GAS7: variants seen among roughly 807,000 people sequenced by gnomAD.
The protein encoded by GAS7 is growth arrest specific 7, also known as growth arrest-specific protein 7.
In GAS7, 28 loss-of-function variants were observed where a neutral mutation model predicts 71.1. That is an observed-to-expected ratio of 0.39 (90% CI 0.29 to 0.54). GAS7 has a LOEUF of 0.54. Among genes scored for constraint, GAS7 ranks in the 20% least tolerant of loss-of-function variants. The pLI is 0.62. For missense variants in GAS7, 436 were observed against 627.8 expected, an observed-to-expected ratio of 0.69 and a Z score of 3.27; for synonymous variants, 258 against 245.8, an observed-to-expected ratio of 1.05 and a Z score of -0.46.
intron 1 of GAS7, among the ~76,000 whole-genome samples, chr17:10,021,381 G>A (rs962925286): frequency 4.6e-5 from 7 of 152,374 alleles, no homozygotes; most frequent in African/African-American, 9.6e-5. Flanking sequence ...GCAAAACCAC[G>A]TGCCGTGGCT....
intron 5 of GAS7, among the ~76,000 whole-genome samples, chr17:9,956,226 AGGGT>A (rs1453920731): frequency 6.6e-6 from 1 of 152,138 alleles, no homozygotes; most frequent in East Asian, 1.9e-4. Context: ...TTGACAACTG[AGGGT>A]TCAAGTCCAA....
intron 1 of GAS7, among the ~76,000 whole-genome samples, chr17:10,020,514 T>A (rs2072225019): frequency 1.3e-5 from 2 of 152,210 alleles, no homozygotes; most frequent in South Asian, 4.1e-4. Flanking sequence ...GTGCAATTAA[T>A]TCTTTTAACC....
rs183729077 is a variant in GAS7, at chr17:10,065,972, A to G, written c.184-46075T>C. Among the ~76,000 whole-genome samples the G allele has an allele frequency of 2.6e-5, 4 of 151,964 alleles. No homozygotes were observed. In the East Asian group the frequency reaches 7.7e-4, roughly 29 times the overall value. ...AGGTTCAGCAGGATTGGGAGCCCCA[A>G]AGGAGGTCTATCCGGAGCTCAAGTT... On this transcript the variant is annotated intron_variant, in intron 1 of 13. Transcript: ENST00000432992.
At chr17:10,036,466 G>A (rs2152224590) in intron 1 of GAS7, 1 of 1,613,586 alleles carries the variant, frequency 6.2e-7, no homozygotes, top group East Asian at 2.2e-5. Flanking sequence ...TCTGGGGGCT[G>A]CTACCTCAGA....
chr17:10,140,606 G>A (rs1258146680), intron 1 of GAS7, among the ~76,000 whole-genome samples: 5 of 152,284 alleles, frequency 3.3e-5, no homozygotes, highest in African/African-American at 1.2e-4. Context: ...AACTGCATGT[G>A]TGTTTATGTA....
chr17:10,007,152 T>C (rs1306491549), intron 2 of GAS7, among the ~76,000 whole-genome samples: 1 of 152,220 alleles, frequency 6.6e-6, no homozygotes, highest in Non-Finnish European at 1.5e-5. Flanking sequence ...TGGTGACTGT[T>C]AGAAAACTTT....
chr17:10,036,297 A>G (rs1597733632), intron 1 of GAS7: 3 of 784,480 alleles, frequency 3.8e-6, no homozygotes, highest in Non-Finnish European at 6.7e-6. Flanking sequence ...GGGTCCCCAG[A>G]CCACCACAGC....
intron 1 of GAS7, among the ~76,000 whole-genome samples, chr17:10,163,388 A>T (rs117409751): frequency 0.05 from 7,523 of 151,918 alleles, 242 homozygotes; most frequent in South Asian, 0.097. Context: ...GGCCTCCCAA[A>T]GTGTTGGGAT....
intron 1 of GAS7, among the ~76,000 whole-genome samples, chr17:10,074,028 C>A (rs1162593560): frequency 6.6e-6 from 1 of 152,264 alleles, no homozygotes; most frequent in African/African-American, 2.4e-5. Flanking sequence ...ATGAATGACC[C>A]CAGCCCTGTC....
chr17:10,051,763 C>T (rs1262943049), intron 1 of GAS7, among the ~76,000 whole-genome samples: 5 of 152,160 alleles, frequency 3.3e-5, no homozygotes, highest in African/African-American at 1.2e-4. Flanking sequence ...TGGGCAAGGG[C>T]ACTCCAAGAA....
At chr17:10,184,186 G>C (rs998503437) in intron 1 of GAS7, among the ~76,000 whole-genome samples, 1 of 152,076 alleles carries the variant, frequency 6.6e-6, no homozygotes, top group East Asian at 1.9e-4. Context: ...CCTCTCCATC[G>C]TCCTGGTTCA....
intron 4 of GAS7, among the ~76,000 whole-genome samples, chr17:9,960,913 C>T (rs1051080550): frequency 3.5e-4 from 53 of 152,208 alleles, no homozygotes; most frequent in African/African-American, 1.3e-3. Context: ...CTTCTTTGAG[C>T]CTCAATTTCT....
Position 9,911,938 on chromosome 17 carries a change from G to C in GAS7, c.*5290C>G, listed in dbSNP as rs985291080. ...TCTGGCCTTAACTGGGTGTGGTCCT[G>C]TCCCTGCCACCATGTACCACCATCC... On this transcript the variant is annotated 3_prime_UTR_variant, in exon 14 of 14. Transcript: ENST00000432992. This position sits in a 1 kb window ranked among gnomAD's most constrained non-coding sequence, Gnocchi z 4.0. 8.6e-6 allele frequency: 2 copies of C among 232,016 alleles called. No homozygotes were observed. Among genetic ancestry groups the C allele is most frequent in the African/African-American group, 4.4e-5 (2 of 45,252 alleles). The allele number at this position is 232,016 out of a possible 1,614,324, so 14.4% of individuals were successfully genotyped here. A position where few individuals can be genotyped will look rare whatever the true frequency, so the allele number is the denominator to read the frequency against.
intron 1 of GAS7, among the ~76,000 whole-genome samples, chr17:10,181,196 C>T (rs2074413041): frequency 6.7e-6 from 1 of 148,224 alleles, no homozygotes; most frequent in Non-Finnish European, 1.5e-5. Flanking sequence ...CCTGTCTCTA[C>T]TACAGTACAA....
At chr17:10,167,153 G>C (rs186835041) in intron 1 of GAS7, among the ~76,000 whole-genome samples, 1 of 140,828 alleles carries the variant, frequency 7.1e-6, no homozygotes, top group Non-Finnish European at 1.5e-5. Flanking sequence ...CACCGCCTGG[G>C]TTCAAGCGAT....
chr17:9,943,361 G>A (rs1320763741), intron 6 of GAS7, 125 bp from the exon 7 acceptor site: 3 of 664,984 alleles, frequency 4.5e-6, no homozygotes, highest in South Asian at 3.5e-5. Context: ...AGACGCGGGA[G>A]CAGCTGTCTC....
At chr17:10,097,839 T>C (rs752200801) in intron 1 of GAS7, among the ~76,000 whole-genome samples, 18 of 151,872 alleles carry the variant, frequency 1.2e-4, no homozygotes, top group Non-Finnish European at 2.1e-4. Context: ...AAGTCAGGAG[T>C]TCGAGACCAG....
Position 9,910,832 on chromosome 17 carries a change from C to T in GAS7, c.*6396G>A, listed in dbSNP as rs1014719498. The T allele has an allele frequency of 8.8e-6, 2 of 228,052 alleles. No homozygotes were observed. The highest frequency in any genetic ancestry group is 4.4e-5 in the African/African-American group (2 of 44,960). 14.1% of individuals were successfully genotyped at this position (228,052 alleles called of 1,614,324 possible). ...TATTACATCAATTTTATTTACTGAT[C>T]TAGGCAGCCAGAGGGTGGAAGGATA... On this transcript the variant is annotated 3_prime_UTR_variant, in exon 14 of 14. Coordinates refer to ENST00000432992, the MANE Select transcript of GAS7 (RefSeq NM_201433.2).
At chr17:9,958,878 T>C in intron 5 of GAS7, 1 of 718,986 alleles carries the variant, frequency 1.4e-6, no homozygotes, top group African/African-American at 1.8e-5. Flanking sequence ...TCACATCACT[T>C]GCGCTGAGCA....
Sources: allele counts gnomAD v4.1 joint callset (sites outside exome capture counted in the v4.1 genomes callset), GRCh38; gene constraint gnomAD v4.1.1; non-coding constraint Gnocchi (gnomAD v3.1); transcripts MANE v1.5; gene names NCBI Gene and HGNC (gene_info 2026-07-23, HGNC 2026-07-21).